The following KDM2A variants were observed in gnomAD, a reference collection of about 807,000 sequenced individuals.
The protein encoded by KDM2A is lysine demethylase 2A.
In KDM2A, 3 loss-of-function variants were observed where a neutral mutation model predicts 137.3. The ratio of observed to expected loss-of-function variants is 0.02; its 90% CI spans 0.01 to 0.06. The LOEUF is 0.06. Ranked by LOEUF, KDM2A falls within the 10% of genes least tolerant of loss-of-function variation. The pLI is 1.00. For synonymous variants in KDM2A, 512 were observed against 541.5 expected (o/e 0.95, Z 0.76); for missense variants, 738 against 1,510.6 (o/e 0.49, Z 8.48).
chr11:67,220,217 G>C (rs1371368497), intron 10 of KDM2A, among the ~76,000 whole-genome samples: 1 of 151,942 alleles, frequency 6.6e-6, no homozygotes, highest in African/African-American at 2.4e-5. Context: ...TTGCTGTGTT[G>C]CCCAGGCTTG....
At chr11:67,139,437 T>C (rs1590714251) in intron 2 of KDM2A, among the ~76,000 whole-genome samples, 1 of 151,820 alleles carries the variant, frequency 6.6e-6, no homozygotes, top group African/African-American at 2.4e-5. Flanking sequence ...TAGAGATGGG[T>C]TTTCTCCGTG....
At chr11:67,234,972 C>T (rs1216504004) in intron 12 of KDM2A, among the ~76,000 whole-genome samples, 6 of 151,706 alleles carry the variant, frequency 4.0e-5, no homozygotes, top group Non-Finnish European at 8.8e-5. Context: ...TGGTGAAACC[C>T]CGTCTCTAGA....
chr11:67,181,049 A>G (rs1341585096), intron 3 of KDM2A, among the ~76,000 whole-genome samples: 1 of 150,754 alleles, frequency 6.6e-6, no homozygotes, highest in East Asian at 1.9e-4. Flanking sequence ...TAGTAGTCCT[A>G]TCCCCATATT....
rs536692335 is a variant in KDM2A at position 67,144,692 on chromosome 11, T to G, written c.42+23334T>G. Among the ~76,000 whole-genome samples, 91 of 151,582 alleles carry G rather than the reference T, an allele frequency of 6.0e-4. 1 individual carries two copies. Among genetic ancestry groups the G allele is most frequent in the Non-Finnish European group, 1.1e-3 (75 of 67,896 alleles). ...AGGTGATCTGCCTCAGCCTCCTGAG[T>G]AACTGGGAGTACCGGCACGCACCAC... On this transcript the variant is annotated intron_variant, in intron 2 of 20. Coordinates refer to ENST00000529006, the MANE Select transcript of KDM2A (RefSeq NM_012308.3).
chr11:67,133,029 G>GT (rs1249135015), intron 2 of KDM2A, among the ~76,000 whole-genome samples: 2 of 152,202 alleles, frequency 1.3e-5, no homozygotes, highest in Admixed American at 6.5e-5. Flanking sequence ...ATAGAGAAGA[G>GT]TACTTAATTG....
chr11:67,141,692 T>A (rs866302321), intron 2 of KDM2A, among the ~76,000 whole-genome samples: 6,165 of 136,032 alleles, frequency 0.045, 553 homozygotes, highest in African/African-American at 0.17. Context: ...AATATATATA[T>A]ATATATATAT....
chr11:67,154,312 T>A (rs1372715368), intron 2 of KDM2A, among the ~76,000 whole-genome samples: 1 of 152,222 alleles, frequency 6.6e-6, no homozygotes, highest in Non-Finnish European at 1.5e-5. Flanking sequence ...TAACAGAAAA[T>A]TAACCATTGA....
intron 5 of KDM2A, among the ~76,000 whole-genome samples, chr11:67,201,771 TC>T (rs1857630103): frequency 3.2e-5 from 1 of 31,630 alleles, no homozygotes; most frequent in Non-Finnish European, 4.4e-5. Flanking sequence ...AGACTCCATC[TC>T]AAAAAAAAAA....
intron 2 of KDM2A, among the ~76,000 whole-genome samples, chr11:67,122,715 G>A (rs1855626656): frequency 6.7e-6 from 1 of 148,744 alleles, no homozygotes; most frequent in Middle Eastern, 3.5e-3. Flanking sequence ...TGGCTCTGTT[G>A]CCCAGGCTGG....
At chr11:67,240,014 A>ACT in intron 12 of KDM2A, 1 of 1,280,890 alleles carries the variant, frequency 7.8e-7, no homozygotes, top group Non-Finnish European at 9.9e-7. Context: ...TGGCTCGCTC[A>ACT]CTCTCGCTCG....
At chr11:67,197,359 A>T (rs1857507805) in intron 5 of KDM2A, among the ~76,000 whole-genome samples, 1 of 152,006 alleles carries the variant, frequency 6.6e-6, no homozygotes, top group East Asian at 1.9e-4. Context: ...TTTTTTTTGT[A>T]GAGATGGGAT....
At chr11:67,224,965 C>T (rs961688637) in intron 10 of KDM2A, among the ~76,000 whole-genome samples, 1 of 151,182 alleles carries the variant, frequency 6.6e-6, no homozygotes, top group Non-Finnish European at 1.5e-5. Context: ...CCCAGGCATC[C>T]CGAGTAGCTG....
intron 2 of KDM2A, among the ~76,000 whole-genome samples, chr11:67,131,411 TC>T (rs1320313767): frequency 2.7e-5 from 4 of 146,710 alleles, no homozygotes; most frequent in South Asian, 2.1e-4. Context: ...TGTTTTCTTT[TC>T]TTTTTTTTTT....
chr11:67,250,714 G>C lies in KDM2A; in HGVS notation c.2684G>C (p.Arg895Pro). The C allele has an allele frequency of 6.3e-7, 1 of 1,582,052 alleles. No homozygotes were observed. Among genetic ancestry groups the C allele is most frequent in the Non-Finnish European group, 8.6e-7 (1 of 1,162,890 alleles). The change falls in exon 17 of 21, where the codon CGG becomes CCG. Residue 895 changes from arginine (R) to proline (P), a missense_variant. Coordinates refer to ENST00000529006, the MANE Select transcript of KDM2A (RefSeq NM_012308.3). This position sits in a 1 kb window ranked among gnomAD's most constrained non-coding sequence, Gnocchi z 7.1. ...AQDGDESWMQREVWMSVFRYL... is the reference protein window; with the variant it reads ...AQDGDESWMQPEVWMSVFRYL... ...GATGGAGACGAAAGCTGGATGCAGC[G>C]GGAGGTCTGGATGTCTGTCTTCCGC...
chr11:67,207,786 A>G, intron 6 of KDM2A, 98 bp downstream of exon 6: 1 of 914,904 alleles, frequency 1.1e-6, no homozygotes, highest in Non-Finnish European at 1.6e-6. Context: ...GCACTTTGGG[A>G]GGCCAAGGGA....
intron 5 of KDM2A, among the ~76,000 whole-genome samples, chr11:67,204,760 G>A (rs138764535): frequency 2.0e-5 from 3 of 151,884 alleles, no homozygotes; most frequent in African/African-American, 7.2e-5. Flanking sequence ...CAAAGTGCTG[G>A]GATTACAGGC....
At chr11:67,193,578 TGGCTG>T (rs1182841538) in intron 5 of KDM2A, among the ~76,000 whole-genome samples, 1 of 152,018 alleles carries the variant, frequency 6.6e-6, no homozygotes, top group East Asian at 1.9e-4. Context: ...ACGTATATAT[TGGCTG>T]GGCATGGTGG....
chr11:67,138,669 T>C (rs1362168342), intron 2 of KDM2A, among the ~76,000 whole-genome samples: 1 of 152,088 alleles, frequency 6.6e-6, no homozygotes, highest in Non-Finnish European at 1.5e-5. Context: ...TAATCCAACC[T>C]ACTAGGGAAG....
At chr11:67,179,283 G>T (rs767348111) in intron 2 of KDM2A, among the ~76,000 whole-genome samples, 1 of 151,764 alleles carries the variant, frequency 6.6e-6, no homozygotes, top group Non-Finnish European at 1.5e-5. Flanking sequence ...GTTTTGTTTT[G>T]TTTTTTTGAG....
Sources: allele counts gnomAD v4.1 joint callset (sites outside exome capture counted in the v4.1 genomes callset), GRCh38; gene constraint gnomAD v4.1.1; non-coding constraint Gnocchi (gnomAD v3.1); transcripts MANE v1.5; gene names NCBI Gene and HGNC (gene_info 2026-07-23, HGNC 2026-07-21).